The following GALNT13 variants were observed in gnomAD, a reference collection of about 807,000 sequenced individuals.
GALNT13 encodes polypeptide N-acetylgalactosaminyltransferase 13, also known as UDP-GalNAc:polypeptide N-acetylgalactosaminyltransferase 13.
Under a neutral mutation model 64.2 loss-of-function variants are expected in GALNT13, and 28 were observed. The observed-to-expected ratio is 0.44, with a 90% CI of 0.32 to 0.60. The LOEUF (loss-of-function observed/expected upper bound fraction) is 0.60, where lower values mean the gene tolerates loss of function less well. Ranked by LOEUF, GALNT13 falls within the 20% of genes least tolerant of loss-of-function variation. GALNT13 has a pLI of 0.05. For missense variants in GALNT13, 577 were observed against 669.8 expected (o/e 0.86, Z 1.53); for synonymous variants, 214 against 224.6 (o/e 0.95, Z 0.42).
chr2:153,609,296 T>G, the GALNT13 span, among the ~76,000 whole-genome samples: 1 of 152,160 alleles, frequency 6.6e-6, no homozygotes, highest in Non-Finnish European at 1.5e-5. Context: ...AACCTCTACC[T>G]TTTTCTGACA....
the GALNT13 span, among the ~76,000 whole-genome samples, chr2:153,401,883 T>C: frequency 1.3e-5 from 2 of 152,164 alleles, no homozygotes; most frequent in Admixed American, 6.5e-5. Context: ...TTTAATCCAA[T>C]TTGCCAGTCT....
intron 2 of GALNT13, among the ~76,000 whole-genome samples, chr2:153,902,464 C>T (rs1688302302): frequency 6.6e-6 from 1 of 152,054 alleles, no homozygotes; most frequent in South Asian, 2.1e-4. Context: ...CTCAAGGAAA[C>T]TTTGTCATTA....
chr2:153,713,033 A>T, the GALNT13 span, among the ~76,000 whole-genome samples: 3 of 152,160 alleles, frequency 2.0e-5, no homozygotes, highest in Non-Finnish European at 2.9e-5. Flanking sequence ...CTGTATAAAA[A>T]CTACTTCCAA....
intron 4 of GALNT13, among the ~76,000 whole-genome samples, chr2:154,228,517 A>G (rs1688748370): frequency 6.6e-6 from 1 of 152,094 alleles, no homozygotes; most frequent in African/African-American, 2.4e-5. Flanking sequence ...GGTCCCTGCT[A>G]TTGTTACTGA....
At chr2:154,371,770 G>T (rs116184085) in intron 9 of GALNT13, among the ~76,000 whole-genome samples, 72,046 of 139,996 alleles carry the variant, frequency 0.51, 18,091 homozygotes, top group Admixed American at 0.61. Flanking sequence ...CTTTTTTTGT[G>T]TGTGTGTGCT....
chr2:154,184,036 A>G (rs1686113361), intron 4 of GALNT13, among the ~76,000 whole-genome samples: 1 of 151,852 alleles, frequency 6.6e-6, no homozygotes, highest in Non-Finnish European at 1.5e-5. Flanking sequence ...CTCACTTGTT[A>G]TAACCTTATC....
At chr2:154,218,545 T>G (rs1235498711) in intron 4 of GALNT13, among the ~76,000 whole-genome samples, 2 of 152,150 alleles carry the variant, frequency 1.3e-5, no homozygotes, top group East Asian at 3.9e-4. Context: ...CCCACTGTAA[T>G]CTGGTACTTG....
chr2:154,100,180 T>A (rs1334690737), intron 3 of GALNT13, among the ~76,000 whole-genome samples: 1 of 152,150 alleles, frequency 6.6e-6, no homozygotes, highest in African/African-American at 2.4e-5. Context: ...AAAATTTCTT[T>A]GGCCATTTGG....
chr2:154,344,927 C>T (rs573923882), intron 9 of GALNT13, among the ~76,000 whole-genome samples: 10 of 151,908 alleles, frequency 6.6e-5, no homozygotes, highest in Non-Finnish European at 1.5e-4. Flanking sequence ...CACCTTAGGA[C>T]TCCTCCAAGC....
At chr2:154,226,132 A>G (rs1421282370) in intron 4 of GALNT13, among the ~76,000 whole-genome samples, 1 of 152,162 alleles carries the variant, frequency 6.6e-6, no homozygotes, top group East Asian at 1.9e-4. Flanking sequence ...ATGAATGAAC[A>G]GAGACAGGAG....
the GALNT13 span, among the ~76,000 whole-genome samples, chr2:153,397,818 C>G: frequency 6.6e-6 from 1 of 152,126 alleles, no homozygotes; most frequent in African/African-American, 2.4e-5. Flanking sequence ...CTATATGACT[C>G]AGAGAATTTC....
At chr2:154,218,044 G>C (rs1688138576) in intron 4 of GALNT13, among the ~76,000 whole-genome samples, 1 of 152,056 alleles carries the variant, frequency 6.6e-6, no homozygotes. Flanking sequence ...GTTTCCAGGA[G>C]ACCAATATAT....
At chr2:153,363,513 G>A in the GALNT13 span, among the ~76,000 whole-genome samples, 1 of 151,898 alleles carries the variant, frequency 6.6e-6, no homozygotes, top group Admixed American at 6.6e-5. Flanking sequence ...AGAAAAGAGA[G>A]AAGAATCAAA....
chr2:153,211,187 G>A, the GALNT13 span, among the ~76,000 whole-genome samples: 1 of 151,638 alleles, frequency 6.6e-6, no homozygotes, highest in East Asian at 1.9e-4. Context: ...CACCCACCCA[G>A]GCTGGAGTGT....
chr2:153,972,122 G>A (rs1313114612), intron 3 of GALNT13, among the ~76,000 whole-genome samples: 1 of 152,066 alleles, frequency 6.6e-6, no homozygotes, highest in East Asian at 1.9e-4. Flanking sequence ...TGGAGGGAGT[G>A]CAGCCCTGCT....
the GALNT13 span, among the ~76,000 whole-genome samples, chr2:153,235,653 C>T: frequency 1.3e-5 from 2 of 152,072 alleles, no homozygotes; most frequent in Non-Finnish European, 2.9e-5. Flanking sequence ...TGGGGATTTT[C>T]CCTTCTGTTC....
At chr2:153,200,898 C>CA in the GALNT13 span, among the ~76,000 whole-genome samples, 1 of 152,106 alleles carries the variant, frequency 6.6e-6, no homozygotes, top group African/African-American at 2.4e-5. Flanking sequence ...CTCATTCTCA[C>CA]AAAAAAGATG....
At chr2:153,876,804 T>G (rs1686413602) in intron 1 of GALNT13, among the ~76,000 whole-genome samples, 1 of 152,162 alleles carries the variant, frequency 6.6e-6, no homozygotes, top group East Asian at 1.9e-4. Context: ...TTAAATGAAA[T>G]TCTTAATTTT....
chr2:154,022,230 G>A (rs2105281158), intron 3 of GALNT13, among the ~76,000 whole-genome samples: 1 of 152,282 alleles, frequency 6.6e-6, no homozygotes, highest in Non-Finnish European at 1.5e-5. Flanking sequence ...AATGAGTTAG[G>A]GAGGATTCTC....
Sources: gnomAD v4.1 joint callset for allele counts (sites outside exome capture counted in the v4.1 genomes callset) on GRCh38, gnomAD v4.1.1 for gene constraint, MANE v1.5 for transcripts, NCBI Gene and HGNC (gene_info 2026-07-23, HGNC 2026-07-21) for gene names.